CSGALNACT1: variants seen among roughly 807,000 people sequenced by gnomAD.
CSGALNACT1 encodes the protein beta4GalNAcT-1.
Under a neutral mutation model 51.0 loss-of-function variants are expected in CSGALNACT1, and 52 were observed. The observed-to-expected ratio is 1.02, with a 90% CI of 0.82 to 1.29. The LOEUF (loss-of-function observed/expected upper bound fraction) is 1.29, where lower values mean the gene tolerates loss of function less well. Among genes scored for constraint, CSGALNACT1 ranks in the 50% most tolerant of loss-of-function variants. The pLI is 0.00. For missense variants in CSGALNACT1, 935 were observed against 679.2 expected, an observed-to-expected ratio of 1.38 and a Z score of -4.19; for synonymous variants, 341 against 254.4, an observed-to-expected ratio of 1.34 and a Z score of -3.24.
chr8:19,596,484 T>G (rs2048928356), intron 2 of CSGALNACT1, among the ~76,000 whole-genome samples: 1 of 151,860 alleles, frequency 6.6e-6, no homozygotes, highest in African/African-American at 2.4e-5. Flanking sequence ...ATCATACAAG[T>G]ATTTCTGATA....
intron 3 of CSGALNACT1, among the ~76,000 whole-genome samples, chr8:19,577,958 T>C (rs560522184): frequency 2.0e-5 from 3 of 152,122 alleles, no homozygotes; most frequent in East Asian, 1.9e-4. Context: ...AATAAAGAGA[T>C]AGTTGGCATG....
At position 19,530,208 on chromosome 8, in the gene CSGALNACT1, G is replaced by A. The variant is rs186429115; in HGVS notation, c.-296-24078C>T. ...TGCACTCCAGCCTGGGCAACAGAGC[G>A]AGACTCTGGCTGAAAAAACAAAACA... is the stretch of plus-strand genomic sequence containing the variant. On this transcript the variant is annotated intron_variant, in intron 3 of 9. Transcript: ENST00000454498. 4.7e-5 allele frequency among the ~76,000 whole-genome samples: 7 copies of A among 150,272 alleles called. No homozygotes were observed. The East Asian group carries it at 1.2e-3, about 25-fold the overall frequency.
intron 4 of CSGALNACT1, among the ~76,000 whole-genome samples, chr8:19,471,048 A>G (rs2068031460): frequency 6.6e-6 from 1 of 152,042 alleles, no homozygotes; most frequent in Non-Finnish European, 1.5e-5. Context: ...GTGAGCCAAG[A>G]TCACACCACT....
chr8:19,573,650 G>C (rs1327431305), intron 3 of CSGALNACT1, among the ~76,000 whole-genome samples: 1 of 152,050 alleles, frequency 6.6e-6, no homozygotes, highest in African/African-American at 2.4e-5. Context: ...CACCATGTTG[G>C]CCAGGCTGGT....
chr8:19,641,163 C>A (rs1441890542), intron 1 of CSGALNACT1, among the ~76,000 whole-genome samples: 2 of 140,656 alleles, frequency 1.4e-5, no homozygotes, highest in African/African-American at 2.7e-5. Context: ...TTTAAACCAA[C>A]CCTCTCTCTC....
intron 1 of CSGALNACT1, among the ~76,000 whole-genome samples, chr8:19,748,586 T>C (rs1371317344): frequency 6.6e-6 from 1 of 152,204 alleles, no homozygotes; most frequent in Non-Finnish European, 1.5e-5. Flanking sequence ...CTGTAGCATT[T>C]ACGTACATTA....
At chr8:19,679,731 G>A (rs2060457593) in intron 1 of CSGALNACT1, among the ~76,000 whole-genome samples, 1 of 152,190 alleles carries the variant, frequency 6.6e-6, no homozygotes, top group Non-Finnish European at 1.5e-5. Context: ...AGGTGCTGGT[G>A]CCCAAATTCC....
chr8:19,663,384 T>C (rs1261402826), intron 1 of CSGALNACT1, among the ~76,000 whole-genome samples: 1 of 152,222 alleles, frequency 6.6e-6, no homozygotes, highest in Non-Finnish European at 1.5e-5. Context: ...AATCTAAAAA[T>C]AAAACTTACT....
At chr8:19,465,000 TC>T (rs2066352361) in intron 4 of CSGALNACT1, among the ~76,000 whole-genome samples, 1 of 152,092 alleles carries the variant, frequency 6.6e-6, no homozygotes, top group Non-Finnish European at 1.5e-5. Context: ...TAGGTCTATA[TC>T]CCAAAGAATT....
At chr8:19,631,030 T>C (rs2055182334) in intron 1 of CSGALNACT1, among the ~76,000 whole-genome samples, 1 of 152,218 alleles carries the variant, frequency 6.6e-6, no homozygotes, top group South Asian at 2.1e-4. Flanking sequence ...TATAATGATA[T>C]GTATCTAATG....
intron 1 of CSGALNACT1, among the ~76,000 whole-genome samples, chr8:19,615,441 C>T (rs915570690): frequency 5.3e-5 from 8 of 152,222 alleles, no homozygotes; most frequent in African/African-American, 1.4e-4. Flanking sequence ...TTCAGAGCTA[C>T]TTTGAGTCAA....
At chr8:19,434,193 T>C (rs1212468090) in intron 6 of CSGALNACT1, among the ~76,000 whole-genome samples, 1 of 152,228 alleles carries the variant, frequency 6.6e-6, no homozygotes, top group Non-Finnish European at 1.5e-5. Flanking sequence ...GCAGAGGCCT[T>C]TACTCCATTT....
intron 3 of CSGALNACT1, among the ~76,000 whole-genome samples, chr8:19,564,457 G>C (rs2041491020): frequency 6.6e-6 from 1 of 151,432 alleles, no homozygotes; most frequent in Non-Finnish European, 1.5e-5. Context: ...CCCAGGTTGG[G>C]AACCACAGAA....
intron 3 of CSGALNACT1, among the ~76,000 whole-genome samples, chr8:19,583,207 T>A (rs892071019): frequency 6.6e-6 from 1 of 152,206 alleles, no homozygotes; most frequent in African/African-American, 2.4e-5. Flanking sequence ...TCTTAAATCA[T>A]GTAGAAGACA....
exon 5 of CSGALNACT1, chr8:19,458,593 G>A: frequency 6.2e-7 from 1 of 1,614,182 alleles, no homozygotes; most frequent in African/African-American, 1.3e-5. Flanking sequence ...GGTCCCCTTT[G>A]AAGGTGAGCT....
intron 1 of CSGALNACT1, among the ~76,000 whole-genome samples, chr8:19,715,307 G>C (rs1301216665): frequency 6.6e-6 from 1 of 151,854 alleles, no homozygotes; most frequent in Non-Finnish European, 1.5e-5. Context: ...AATGAGATTT[G>C]GGTGGGGACA....
intron 6 of CSGALNACT1, among the ~76,000 whole-genome samples, chr8:19,430,955 GTT>G (rs1390417759): frequency 6.6e-6 from 1 of 151,896 alleles, no homozygotes; most frequent in African/African-American, 2.4e-5. Flanking sequence ...TATGAAAATT[GTT>G]TTCTTAATTT....
chr8:19,506,926 G>A (rs1011555294), intron 3 of CSGALNACT1, among the ~76,000 whole-genome samples: 2 of 152,172 alleles, frequency 1.3e-5, no homozygotes, highest in Non-Finnish European at 2.9e-5. Flanking sequence ...CTTTAGAGCA[G>A]CAAGAATGAA....
At chr8:19,452,339 T>G (rs761954480) in intron 5 of CSGALNACT1, among the ~76,000 whole-genome samples, 6 of 152,082 alleles carry the variant, frequency 3.9e-5, no homozygotes, top group Non-Finnish European at 4.4e-5. Flanking sequence ...GCAGGCTATT[T>G]TGGTATTTCT....
Sources: gnomAD v4.1 joint callset for allele counts (sites outside exome capture counted in the v4.1 genomes callset) on GRCh38, gnomAD v4.1.1 for gene constraint, MANE v1.5 for transcripts, NCBI Gene and HGNC (gene_info 2026-07-23, HGNC 2026-07-21) for gene names.